FAF2: variants seen among roughly 807,000 people sequenced by gnomAD.
FAF2 encodes the protein Fas associated factor family member 2, also known as FAS-associated factor 2.
In FAF2, 9 loss-of-function variants were observed where a neutral mutation model predicts 62.3. That is an observed-to-expected ratio of 0.14 (90% CI 0.09 to 0.25). The LOEUF is 0.25. Among genes scored for constraint, FAF2 ranks in the 10% least tolerant of loss-of-function variants. The probability of loss-of-function intolerance (pLI) is 1.00; values close to 1 mark genes in which losing one functional copy is unlikely to be tolerated. For missense variants in FAF2, 368 were observed against 556.2 expected (o/e 0.66, Z 3.40); for synonymous variants, 202 against 198.0 (o/e 1.02, Z -0.17).
In FAF2 at chr5:176,468,317, G is replaced by A. The variant is rs146777493; in HGVS notation, c.64-10871G>A. Among the ~76,000 whole-genome samples the A allele has an allele frequency of 6.5e-3, 987 of 152,286 alleles. 5 individuals carry two copies. Among genetic ancestry groups the A allele is most frequent in the African/African-American group, 0.023 (953 of 41,560 alleles). ...AAGTAAATAGAGGCTGGGCGCAGTG[G>A]CTCATGCCTATAATCCCAGCACTTT... On this transcript the variant is annotated intron_variant, in intron 1 of 10. Coordinates refer to ENST00000261942, the MANE Select transcript of FAF2 (RefSeq NM_014613.3).
chr5:176,492,983 G>A (rs1758999724), intron 5 of FAF2, among the ~76,000 whole-genome samples: 1 of 152,128 alleles, frequency 6.6e-6, no homozygotes, highest in African/African-American at 2.4e-5. Flanking sequence ...CAGCCATGTA[G>A]ACCTTTGACT....
intron 1 of FAF2, among the ~76,000 whole-genome samples, chr5:176,463,279 C>T (rs1334720679): frequency 2.6e-5 from 4 of 151,572 alleles, no homozygotes; most frequent in Middle Eastern, 6.8e-3. Flanking sequence ...CTCCTGTAAT[C>T]GGGAGGGTGA....
At chr5:176,462,092 TGTG>T (rs1758388723) in intron 1 of FAF2, among the ~76,000 whole-genome samples, 2 of 151,658 alleles carry the variant, frequency 1.3e-5, no homozygotes, top group South Asian at 4.2e-4. Context: ...GCCTGGCCAA[TGTG>T]GTGAAACCCC....
rs1478934327 is a variant in FAF2, at chr5:176,507,497, G to T, written c.*547G>T. On this transcript the variant is annotated 3_prime_UTR_variant, in exon 11 of 11. Transcript: ENST00000261942. ...TATTTCTGTTTTGTAATGACCAAAG[G>T]AATGAGGCTGACATAGGTATATATA... 3 of 255,280 alleles carry T rather than the reference G, an allele frequency of 1.2e-5. No individual in the cohort carries two copies. Among genetic ancestry groups the T allele is most frequent in the African/African-American group, 6.9e-5 (3 of 43,526 alleles). The allele number at this position is 255,280 out of a possible 1,614,324, so 15.8% of individuals were successfully genotyped here.
chr5:176,504,368 G>A (rs1290667573), intron 10 of FAF2, among the ~76,000 whole-genome samples: 2 of 150,170 alleles, frequency 1.3e-5, no homozygotes, highest in South Asian at 2.1e-4. Flanking sequence ...GGTAGATCAC[G>A]AAGTCAGGAG....
intron 1 of FAF2, among the ~76,000 whole-genome samples, chr5:176,459,544 GA>G (rs1758338234): frequency 6.6e-6 from 1 of 151,956 alleles, no homozygotes; most frequent in African/African-American, 2.4e-5. Flanking sequence ...TTTGTTTTTT[GA>G]GCATTGAAAG....
rs1322122296 is a variant in FAF2, at chr5:176,498,953, G to A, written c.879G>A (p.Gln293=). 6.2e-7 allele frequency: 1 copy of A among 1,611,156 alleles called. No homozygotes were observed. Among genetic ancestry groups the A allele is most frequent in the Admixed American group, 1.7e-5 (1 of 59,876 alleles). ...AGACCCAAGTGCTGAGACAACAGCAGGATGAGGCCTACCTGGCCTCTCTCA... is the reference window on the plus strand; with the variant it reads ...AGACCCAAGTGCTGAGACAACAGCAAGATGAGGCCTACCTGGCCTCTCTCA... ...RNQTQVLRQQ[Q]DEAYLASLRA... is the part of the protein sequence containing the mutation. Residue 293 remains glutamine (Q), a synonymous_variant, in exon 9 of 11, where the codon CAG becomes CAA. Coordinates refer to ENST00000261942, the MANE Select transcript of FAF2 (RefSeq NM_014613.3).
At chr5:176,476,878 C>A (rs973531375) in intron 1 of FAF2, among the ~76,000 whole-genome samples, 1 of 144,840 alleles carries the variant, frequency 6.9e-6, no homozygotes, top group Non-Finnish European at 1.5e-5. Flanking sequence ...GGCGCTATCT[C>A]AGCTCACTGC....
intron 2 of FAF2, among the ~76,000 whole-genome samples, chr5:176,484,301 TAAAC>T (rs1225740419): frequency 2.0e-5 from 3 of 152,138 alleles, no homozygotes; most frequent in Admixed American, 6.5e-5. Flanking sequence ...ATTCCAGAAA[TAAAC>T]AATTCATAAG....
intron 1 of FAF2, among the ~76,000 whole-genome samples, chr5:176,450,657 G>T (rs760074509): frequency 2.0e-4 from 30 of 151,760 alleles, no homozygotes; most frequent in Non-Finnish European, 4.0e-4. Context: ...AGTTTCAAGC[G>T]ATTCTCCTGC....
chr5:176,492,439 A>C, intron 5 of FAF2, 107 bp downstream of exon 5: 1 of 1,257,036 alleles, frequency 8.0e-7, no homozygotes, highest in Non-Finnish European at 1.1e-6. Context: ...AAAAACCTTA[A>C]TTAGCTCTTC....
intron 10 of FAF2, among the ~76,000 whole-genome samples, 181 bp from the exon 11 acceptor site, chr5:176,506,587 A>G (rs190833153): frequency 2.0e-5 from 3 of 152,326 alleles, no homozygotes; most frequent in Admixed American, 6.5e-5. Context: ...GGGCTGCCCC[A>G]TGTATATGCC....
intron 10 of FAF2, among the ~76,000 whole-genome samples, chr5:176,503,844 G>T (rs1319071512): frequency 6.6e-6 from 1 of 152,016 alleles, no homozygotes; most frequent in South Asian, 2.1e-4. Flanking sequence ...TTTCCTGATG[G>T]TTATCAACCC....
chr5:176,497,074 A>C (rs1258261097), intron 8 of FAF2: 2 of 153,096 alleles, frequency 1.3e-5, no homozygotes, highest in Non-Finnish European at 2.9e-5. Context: ...TGAGGCCAGG[A>C]GTTCGAGGCA....
intron 3 of FAF2, among the ~76,000 whole-genome samples, chr5:176,486,837 T>A (rs1758882525): frequency 6.6e-6 from 1 of 152,220 alleles, no homozygotes; most frequent in Non-Finnish European, 1.5e-5. Flanking sequence ...TCTTTGAAAT[T>A]AGCCTTGAAG....
chr5:176,453,278 T>A (rs1352805767), intron 1 of FAF2: 1 of 152,190 alleles, frequency 6.6e-6, no homozygotes, highest in African/African-American at 2.4e-5. Flanking sequence ...AATTTCCAAA[T>A]ATAGCAGACT....
intron 1 of FAF2, 113 bp downstream of exon 1, chr5:176,448,583 C>G: frequency 3.8e-6 from 4 of 1,056,708 alleles, no homozygotes; most frequent in South Asian, 1.6e-5. Context: ...ACCAGCAGGC[C>G]GGCCCCCTCC....
intron 3 of FAF2, among the ~76,000 whole-genome samples, chr5:176,487,333 G>A (rs553462272): frequency 1.3e-5 from 2 of 152,040 alleles, no homozygotes; most frequent in South Asian, 2.1e-4. Flanking sequence ...ACAGGTGTGC[G>A]CCACCATCCT....
chr5:176,482,277 G>C (rs560095438), intron 2 of FAF2, among the ~76,000 whole-genome samples: 2 of 151,420 alleles, frequency 1.3e-5, no homozygotes. Context: ...GAGTGCAGAG[G>C]CGTGATCACG....
Sources: allele counts gnomAD v4.1 joint callset (sites outside exome capture counted in the v4.1 genomes callset), GRCh38; gene constraint gnomAD v4.1.1; transcripts MANE v1.5; gene names NCBI Gene and HGNC (gene_info 2026-07-23, HGNC 2026-07-21).